The following DPY19L1 variants were observed in gnomAD, a reference collection of about 807,000 sequenced individuals.
DPY19L1 encodes dpy-19 like C-mannosyltransferase 1.
A neutral mutation model predicts 96.9 loss-of-function variants in DPY19L1; 35 were observed. The ratio of observed to expected loss-of-function variants is 0.36; its 90% confidence interval spans 0.28 to 0.48. The LOEUF (loss-of-function observed/expected upper bound fraction) is 0.48, where lower values mean the gene tolerates loss of function less well. Among genes scored for constraint, DPY19L1 ranks in the 20% least tolerant of loss-of-function variants. The pLI, the probability that DPY19L1 is intolerant of heterozygous loss-of-function variation, is 0.99. For missense variants in DPY19L1, 521 were observed against 777.9 expected, an observed-to-expected ratio of 0.67 and a Z score of 3.93; for synonymous variants, 205 against 252.6, an observed-to-expected ratio of 0.81 and a Z score of 1.79.
At chr7:34,941,526 C>A (rs1784014946) in intron 18 of DPY19L1, among the ~76,000 whole-genome samples, 1 of 152,202 alleles carries the variant, frequency 6.6e-6, no homozygotes, top group African/African-American at 2.4e-5. Flanking sequence ...CTGCAGTAAT[C>A]ACTCATGAAC....
intron 6 of DPY19L1, among the ~76,000 whole-genome samples, chr7:34,995,255 C>A (rs1220910706): frequency 2.6e-5 from 4 of 151,980 alleles, no homozygotes; most frequent in Non-Finnish European, 4.4e-5. Flanking sequence ...AATCAGAATA[C>A]CTAAAATTTT....
intron 6 of DPY19L1, among the ~76,000 whole-genome samples, chr7:34,990,665 G>A (rs995895562): frequency 7.2e-5 from 11 of 152,216 alleles, no homozygotes; most frequent in African/African-American, 2.4e-4. Flanking sequence ...GCTCAGATGA[G>A]AGTGAAATAT....
intron 11 of DPY19L1, among the ~76,000 whole-genome samples, chr7:34,956,349 A>C (rs1784378499): frequency 6.6e-6 from 1 of 152,172 alleles, no homozygotes; most frequent in Non-Finnish European, 1.5e-5. Flanking sequence ...GAACTGAAGA[A>C]CTATACTTAT....
At chr7:34,932,513 T>C (rs1783775308) in intron 21 of DPY19L1, among the ~76,000 whole-genome samples, 1 of 152,220 alleles carries the variant, frequency 6.6e-6, no homozygotes, top group African/African-American at 2.4e-5. Context: ...TGAATGCATA[T>C]GGCTTTAACA....
rs555201036 is a variant in DPY19L1, at chr7:35,015,304, C to G, written c.412-1599G>C. On this transcript the variant is annotated intron_variant, in intron 3 of 21. Coordinates refer to ENST00000638088, the MANE Select transcript of DPY19L1 (RefSeq NM_001366673.1). ...AAGATACTGTAATTTTACTGTATAT[C>G]CCTAGTGGACTATATCCTAAGGTTA... 3.9e-5 allele frequency among the ~76,000 whole-genome samples: 6 copies of G among 152,202 alleles called. No homozygotes were observed. The East Asian group carries it at 9.6e-4, about 24-fold the overall frequency.
intron 1 of DPY19L1, among the ~76,000 whole-genome samples, chr7:35,021,984 C>A (rs1786005789): frequency 6.6e-6 from 1 of 151,932 alleles, no homozygotes; most frequent in Non-Finnish European, 1.5e-5. Context: ...ACATGAAAGT[C>A]CCAGTAAAGC....
chr7:34,976,631 AG>A (rs1379261300), intron 7 of DPY19L1, among the ~76,000 whole-genome samples: 1 of 152,250 alleles, frequency 6.6e-6, no homozygotes, highest in Non-Finnish European at 1.5e-5. Context: ...TGTGAAAGAA[AG>A]AATCAATCAA....
intron 13 of DPY19L1, among the ~76,000 whole-genome samples, chr7:34,953,302 C>T (rs1397337281): frequency 2.0e-5 from 3 of 152,158 alleles, no homozygotes; most frequent in Non-Finnish European, 1.5e-5. Flanking sequence ...TAGTTTATAG[C>T]ATCTTTTTTG....
intron 6 of DPY19L1, among the ~76,000 whole-genome samples, chr7:34,995,466 A>C (rs1785261781): frequency 6.6e-6 from 1 of 152,186 alleles, no homozygotes; most frequent in Admixed American, 6.5e-5. Context: ...TTTTTCTTAG[A>C]TATAAAATGA....
intron 18 of DPY19L1, 111 bp from the exon 19 acceptor site, chr7:34,940,438 A>G (rs1783981015): frequency 1.2e-6 from 1 of 810,406 alleles, no homozygotes; most frequent in Non-Finnish European, 1.8e-6. Flanking sequence ...TCCCAAATAA[A>G]GGATTAATTA....
intron 21 of DPY19L1, among the ~76,000 whole-genome samples, chr7:34,935,641 T>C (rs940564292): frequency 6.6e-6 from 1 of 152,044 alleles, no homozygotes; most frequent in African/African-American, 2.4e-5. Context: ...CCTAACTGAG[T>C]TCCCCATCTG....
At chr7:34,971,756 G>T (rs1784728979) in intron 8 of DPY19L1, among the ~76,000 whole-genome samples, 1 of 152,172 alleles carries the variant, frequency 6.6e-6, no homozygotes, top group South Asian at 2.1e-4. Flanking sequence ...CAAAAACAGA[G>T]AAGAACCCAA....
At chr7:35,018,476 A>T (rs1213202616) in intron 2 of DPY19L1, 96 bp downstream of exon 2, 1 of 1,123,772 alleles carries the variant, frequency 8.9e-7, no homozygotes, top group South Asian at 1.4e-5. Flanking sequence ...ATTCATACTG[A>T]TCATGCTGAA....
chr7:34,984,630 T>G (rs1562816517), intron 7 of DPY19L1, among the ~76,000 whole-genome samples: 1 of 152,202 alleles, frequency 6.6e-6, no homozygotes, highest in Non-Finnish European at 1.5e-5. Flanking sequence ...GTAGGTTTAA[T>G]AAGTTCACAA....
intron 10 of DPY19L1, among the ~76,000 whole-genome samples, chr7:34,964,812 C>G (rs546167387): frequency 6.6e-4 from 100 of 152,222 alleles, no homozygotes; most frequent in African/African-American, 2.2e-3. Flanking sequence ...GATTACACTG[C>G]ATTGACTAAA....
chr7:34,970,454 T>C (rs1210187839), intron 8 of DPY19L1, among the ~76,000 whole-genome samples: 1 of 152,136 alleles, frequency 6.6e-6, no homozygotes, highest in Admixed American at 6.5e-5. Context: ...ATCAGCAGAG[T>C]GAAACAGAAT....
chr7:34,942,490 TAA>T, intron 17 of DPY19L1, 123 bp downstream of exon 17: 1 of 757,720 alleles, frequency 1.3e-6, no homozygotes. Context: ...TAAAAACACA[TAA>T]CAGGCTATTT....
chr7:35,036,274 G>A (rs1786397057), intron 1 of DPY19L1, among the ~76,000 whole-genome samples: 1 of 152,166 alleles, frequency 6.6e-6, no homozygotes, highest in African/African-American at 2.4e-5. Flanking sequence ...ATAGAAAAAA[G>A]CAATGTAACA....
intron 10 of DPY19L1, among the ~76,000 whole-genome samples, chr7:34,966,662 C>A (rs2128667019): frequency 6.6e-6 from 1 of 152,272 alleles, no homozygotes; most frequent in East Asian, 1.9e-4. Flanking sequence ...TAAATTATTT[C>A]TTTTACTGAT....
Sources: gnomAD v4.1 joint callset for allele counts (sites outside exome capture counted in the v4.1 genomes callset) on GRCh38, gnomAD v4.1.1 for gene constraint, MANE v1.5 for transcripts, NCBI Gene and HGNC (gene_info 2026-07-23, HGNC 2026-07-21) for gene names.